Variants in COL5A2 observed in about 807,000 individuals in gnomAD.
COL5A2 encodes collagen alpha-2(V) chain.
COL5A2 carries 23 observed loss-of-function variants against 208.2 expected under a neutral mutation model. That is an observed-to-expected ratio of 0.11 (90% CI 0.08 to 0.16). The LOEUF (loss-of-function observed/expected upper bound fraction) is 0.16. Ranked by LOEUF, COL5A2 falls within the 10% of genes least tolerant of loss-of-function variation. COL5A2 has a pLI of 1.00. For missense variants in COL5A2, 1,590 were observed against 1,956.4 expected (o/e 0.81, Z 3.53); for synonymous variants, 625 against 628.5 (o/e 0.99, Z 0.08).
At chr2:189,126,160 ACAAT>A (rs1687603843) in intron 1 of COL5A2, among the ~76,000 whole-genome samples, 1 of 152,046 alleles carries the variant, frequency 6.6e-6, no homozygotes, top group Non-Finnish European at 1.5e-5. Flanking sequence ...ATTTCACTTA[ACAAT>A]CATTCAGCTT....
chr2:189,190,515 A>G (rs1688910159), intron 1 of COL5A2, among the ~76,000 whole-genome samples: 3 of 152,250 alleles, frequency 2.0e-5, no homozygotes, highest in East Asian at 3.8e-4. Context: ...ATTTGTAAAA[A>G]GAGTTATTTT....
the COL5A2 span, among the ~76,000 whole-genome samples, chr2:189,246,110 A>C: frequency 6.6e-6 from 1 of 152,226 alleles, no homozygotes; most frequent in Non-Finnish European, 1.5e-5. Flanking sequence ...CTGAAAAAAA[A>C]CATATATTTC....
chr2:189,301,015 T>A, the COL5A2 span, among the ~76,000 whole-genome samples: 1 of 152,216 alleles, frequency 6.6e-6, no homozygotes, highest in East Asian at 1.9e-4. Context: ...GGAGGAACCC[T>A]GTCTCTACAA....
At chr2:189,093,671 T>C (rs911638469) in intron 6 of COL5A2, among the ~76,000 whole-genome samples, 1 of 152,202 alleles carries the variant, frequency 6.6e-6, no homozygotes, top group Non-Finnish European at 1.5e-5. Context: ...AAACTTATAT[T>C]TAAAAATGAT....
chr2:189,416,420 A>G, the COL5A2 span, among the ~76,000 whole-genome samples: 1 of 152,354 alleles, frequency 6.6e-6, no homozygotes, highest in East Asian at 1.9e-4. Flanking sequence ...AGGGACATGG[A>G]TGAAGCTGGA....
the COL5A2 span, among the ~76,000 whole-genome samples, chr2:189,251,075 G>A: frequency 6.6e-6 from 1 of 152,178 alleles, no homozygotes; most frequent in Non-Finnish European, 1.5e-5. Flanking sequence ...GGGTTCTTGT[G>A]AGGATTACAT....
At chr2:189,420,020 G>A in the COL5A2 span, among the ~76,000 whole-genome samples, 23 of 137,900 alleles carry the variant, frequency 1.7e-4, no homozygotes, top group African/African-American at 6.1e-4. Flanking sequence ...GAGGAGATGA[G>A]AGGAGGAAAA....
the COL5A2 span, among the ~76,000 whole-genome samples, chr2:189,426,340 TA>T: frequency 6.6e-6 from 1 of 152,170 alleles, no homozygotes; most frequent in African/African-American, 2.4e-5. Flanking sequence ...CTCACTGAGA[TA>T]AATACATTTC....
At chr2:189,395,959 A>C in the COL5A2 span, among the ~76,000 whole-genome samples, 2 of 151,942 alleles carry the variant, frequency 1.3e-5, no homozygotes, top group Non-Finnish European at 1.5e-5. Context: ...CAATTTTACA[A>C]GAAAAATGTA....
chr2:189,314,247 T>C, the COL5A2 span, among the ~76,000 whole-genome samples: 1 of 152,184 alleles, frequency 6.6e-6, no homozygotes, highest in Non-Finnish European at 1.5e-5. Flanking sequence ...AAACAGTCTC[T>C]CAGACCACAG....
At chr2:189,400,958 T>C in the COL5A2 span, among the ~76,000 whole-genome samples, 12 of 152,336 alleles carry the variant, frequency 7.9e-5, no homozygotes, top group Non-Finnish European at 1.8e-4. Context: ...TGATTGCAGA[T>C]TGTTTTTCCT....
upstream of COL5A2, among the ~76,000 whole-genome samples, chr2:189,226,234 A>G (rs1008935562): frequency 3.9e-5 from 6 of 152,190 alleles, no homozygotes; most frequent in African/African-American, 1.2e-4. Context: ...TCAGCAAACA[A>G]AAGCATATGT....
the COL5A2 span, among the ~76,000 whole-genome samples, chr2:189,258,110 T>C: frequency 2.0e-5 from 3 of 151,966 alleles, no homozygotes; most frequent in Non-Finnish European, 2.9e-5. Flanking sequence ...TGAGATTCTG[T>C]CTCAAAAAAA....
At chr2:189,195,092 T>C (rs868719531) in intron 1 of COL5A2, among the ~76,000 whole-genome samples, 2 of 152,096 alleles carry the variant, frequency 1.3e-5, no homozygotes, top group South Asian at 2.1e-4. Context: ...GCCCCAAAAC[T>C]CCTTAAGCTG....
chr2:189,180,659 C>T (rs1688766655), upstream of COL5A2, among the ~76,000 whole-genome samples: 1 of 152,118 alleles, frequency 6.6e-6, no homozygotes, highest in African/African-American at 2.4e-5. Flanking sequence ...GGTTTAGTGA[C>T]ACTAAAATGA....
chr2:189,268,073 T>C, the COL5A2 span, among the ~76,000 whole-genome samples: 1 of 152,178 alleles, frequency 6.6e-6, no homozygotes, highest in African/African-American at 2.4e-5. Context: ...CCACTGTCTT[T>C]TTACATTCAG....
the COL5A2 span, among the ~76,000 whole-genome samples, chr2:189,387,765 A>C: frequency 6.6e-6 from 1 of 152,210 alleles, no homozygotes; most frequent in Admixed American, 6.5e-5. Flanking sequence ...CCAATTTTTA[A>C]ACTGCAGCTT....
At chr2:189,040,346 T>C (rs1336149498) in intron 50 of COL5A2, among the ~76,000 whole-genome samples, 1 of 151,308 alleles carries the variant, frequency 6.6e-6, no homozygotes, top group African/African-American at 2.4e-5. Context: ...TTTTTTTTTT[T>C]TTTTTGCCAA....
the COL5A2 span, among the ~76,000 whole-genome samples, chr2:189,276,234 C>G: frequency 6.6e-6 from 1 of 152,182 alleles, no homozygotes; most frequent in South Asian, 2.1e-4. Flanking sequence ...AAATTTTTAT[C>G]TCATCAACCA....
Sources: gnomAD v4.1 joint callset for allele counts (sites outside exome capture counted in the v4.1 genomes callset) on GRCh38, gnomAD v4.1.1 for gene constraint, MANE v1.5 for transcripts, NCBI Gene and HGNC (gene_info 2026-07-23, HGNC 2026-07-21) for gene names.